PAXBP1: variants seen among roughly 807,000 people sequenced by gnomAD.
PAXBP1 encodes the protein PAX3- and PAX7-binding protein 1.
A neutral mutation model predicts 119.9 loss-of-function variants in PAXBP1; 44 were observed. The observed-to-expected ratio is 0.37, with a 90% CI of 0.29 to 0.47. The LOEUF is 0.47. Ranked by LOEUF, PAXBP1 falls within the 20% of genes least tolerant of loss-of-function variation. The pLI is 0.99. For synonymous variants in PAXBP1, 393 were observed against 406.6 expected (o/e 0.97, Z 0.40); for missense variants, 898 against 1,134.1 (o/e 0.79, Z 2.99).
intron 11 of PAXBP1, among the ~76,000 whole-genome samples, chr21:32,746,964 C>T (rs926268163): frequency 6.6e-6 from 1 of 151,990 alleles, no homozygotes; most frequent in African/African-American, 2.4e-5. Context: ...AAGCCATTAT[C>T]CTCAGCAAAC....
chr21:32,739,933 C>A, intron 15 of PAXBP1, among the ~76,000 whole-genome samples: 1 of 85,384 alleles, frequency 1.2e-5, no homozygotes, highest in East Asian at 3.6e-4. Flanking sequence ...AAGACCTCGT[C>A]TCTTTAAAAA....
At chr21:32,759,713 C>G in intron 6 of PAXBP1, 64 bp downstream of exon 6, 1 of 1,372,812 alleles carries the variant, frequency 7.3e-7, no homozygotes, top group Non-Finnish European at 1.0e-6. Flanking sequence ...CTACCCCAGA[C>G]TACATGTTGC....
chr21:32,747,280 G>A (rs1052266490), intron 11 of PAXBP1, among the ~76,000 whole-genome samples: 1 of 152,174 alleles, frequency 6.6e-6, no homozygotes, highest in South Asian at 2.1e-4. Context: ...TGGACCATAG[G>A]CAGCACAAGA....
Position 32,760,007 on chromosome 21 carries a change from T to C in PAXBP1, c.976-13A>G, listed in dbSNP as rs1569164609. ...GACTGGCTTGAACCTAGAAAAGAAA[T>C]GGGATATAGATGAAATCTGGTAGTT... is the stretch of plus-strand genomic sequence containing the variant. On this transcript the variant is annotated splice_polypyrimidine_tract_variant and intron_variant, in intron 5 of 17. Transcript: ENST00000331923. The C allele has an allele frequency of 1.3e-6, 2 of 1,595,380 alleles. No homozygotes were observed. The highest frequency in any genetic ancestry group is 1.3e-5 in the African/African-American group (1 of 74,496).
At chr21:32,758,103 G>A (rs761911206) in intron 7 of PAXBP1, among the ~76,000 whole-genome samples, 16 of 152,184 alleles carry the variant, frequency 1.1e-4, no homozygotes, top group Non-Finnish European at 2.2e-4. Context: ...CCATCAGGAA[G>A]AAAGATCCAT....
At position 32,768,192 on chromosome 21, in the gene PAXBP1, A is replaced by G. The variant is rs2044275528; in HGVS notation, c.472+1622T>C. Among the ~76,000 whole-genome samples the G allele has an allele frequency of 2.0e-5, 3 of 152,200 alleles. 1 individual carries two copies. Among genetic ancestry groups the G allele is most frequent in the South Asian group, 4.1e-4 (2 of 4,832 alleles). ...CTGATAAAAGGATGAGTTTGGCAGG[A>G]TATTCTCTCTCTGTCTTGGAGACTC... On this transcript the variant is annotated intron_variant, in intron 2 of 17. Coordinates refer to ENST00000331923, the MANE Select transcript of PAXBP1 (RefSeq NM_016631.4).
Position 32,738,681 on chromosome 21 carries a change from G to A in PAXBP1, c.2335-362C>T, listed in dbSNP as rs145082254. ...TATGCACACCCCCACCCCGCCCCGC[G>A]CTGCCCACAAAAGATGGGAGAGTCT... On this transcript the variant is annotated intron_variant, in intron 15 of 17. Coordinates refer to ENST00000331923, the MANE Select transcript of PAXBP1 (RefSeq NM_016631.4). Among the ~76,000 whole-genome samples, 164 of 151,906 alleles carry A rather than the reference G, an allele frequency of 1.1e-3. 5 individuals are homozygous for A. In the East Asian group the frequency reaches 0.029, roughly 27 times the overall value.
At chr21:32,753,583 C>G (rs1330129436) in intron 8 of PAXBP1, among the ~76,000 whole-genome samples, 2 of 152,168 alleles carry the variant, frequency 1.3e-5, no homozygotes, top group African/African-American at 4.8e-5. Context: ...CAGATAAGTG[C>G]TTATAAATCT....
chr21:32,749,761 C>G (rs888983727), intron 10 of PAXBP1, among the ~76,000 whole-genome samples: 1 of 151,874 alleles, frequency 6.6e-6, no homozygotes, highest in East Asian at 1.9e-4. Flanking sequence ...GATCAAAGAA[C>G]AAGTTAAACA....
intron 1 of PAXBP1, among the ~76,000 whole-genome samples, chr21:32,770,421 TAAAAA>T (rs200584549): frequency 1.3e-5 from 2 of 151,164 alleles, no homozygotes; most frequent in Admixed American, 1.3e-4. Context: ...ACTAAATACT[TAAAAA>T]AAAATAGCTC....
chr21:32,764,610 A>T lies in PAXBP1; in HGVS notation c.473-86T>A, dbSNP rs779317528. On this transcript the variant is annotated intron_variant, in intron 2 of 17. Coordinates refer to ENST00000331923, the MANE Select transcript of PAXBP1 (RefSeq NM_016631.4). ...TCCAATGGTATTGACATCATTAAAA[A>T]TTTTTTTAATTAAAAAAAGGGGAAC... 11 of 1,062,260 alleles carry T rather than the reference A, an allele frequency of 1.0e-5. No individual in the cohort carries two copies. In the African/African-American group the frequency reaches 1.1e-4, roughly 11 times the overall value. 65.8% of individuals were successfully genotyped at this position (1,062,260 alleles called of 1,614,324 possible). A position where few individuals can be genotyped will look rare whatever the true frequency, so the allele number is the denominator to read the frequency against.
At chr21:32,764,662 A>G (rs2044210422) in intron 2 of PAXBP1, 138 bp from the exon 3 acceptor site, 2 of 602,168 alleles carry the variant, frequency 3.3e-6, no homozygotes, top group African/African-American at 1.9e-5. Flanking sequence ...GGCTCAATCC[A>G]GTAAAGCTTG....
chr21:32,744,722 T>C (rs2043846840), intron 13 of PAXBP1, 70 bp downstream of exon 13: 2 of 1,432,258 alleles, frequency 1.4e-6, no homozygotes, highest in South Asian at 1.5e-5. Context: ...AACCACTCAT[T>C]CTCTCAATGC....
At chr21:32,761,722 T>C (rs902794605) in intron 4 of PAXBP1, among the ~76,000 whole-genome samples, 1 of 151,098 alleles carries the variant, frequency 6.6e-6, no homozygotes, top group Non-Finnish European at 1.5e-5. Context: ...TGAGGCATGG[T>C]GGCCCATGCC....
rs776421223 is a variant in PAXBP1 at position 32,759,984 on chromosome 21, C to A, written c.986G>T (p.Ser329Ile). ...KGINIPQVQA[S>I]QPAEVNMYYQ... ...GTACATATTCACTTCTGCGGGTTGA[C>A]TGGCTTGAACCTAGAAAAGAAATGG... Residue 329 changes from serine (S) to isoleucine (I), a missense_variant, in exon 6 of 18, where the codon AGT becomes ATT. Physicochemically the swap from Ser to Ile is moderately radical, Grantham distance 142 (BLOSUM62 -2). Around this residue, in one of 2 missense-constraint regions of PAXBP1, gnomAD observed 599 missense variants for 852.7 expected, o/e 0.70. Transcript: ENST00000331923. The A allele has an allele frequency of 6.2e-7, 1 of 1,611,440 alleles. No homozygotes were observed. Among genetic ancestry groups the A allele is most frequent in the Admixed American group, 1.7e-5 (1 of 59,554 alleles).
chr21:32,762,401 A>G, intron 3 of PAXBP1, 84 bp from the exon 4 acceptor site: 1 of 1,487,434 alleles, frequency 6.7e-7, no homozygotes. Context: ...AAATAATCCA[A>G]GATAGCCTCA....
At chr21:32,757,797 G>GC (rs2044067875) in intron 7 of PAXBP1, among the ~76,000 whole-genome samples, 1 of 152,186 alleles carries the variant, frequency 6.6e-6, no homozygotes, top group Non-Finnish European at 1.5e-5. Flanking sequence ...CTCCCACCAT[G>GC]CCCACTGGGC....
chr21:32,744,506 G>A (rs1193631730), intron 13 of PAXBP1, among the ~76,000 whole-genome samples: 1 of 151,854 alleles, frequency 6.6e-6, no homozygotes, highest in East Asian at 1.9e-4. Flanking sequence ...GAGGTGTGGT[G>A]GTGAGAAATC....
At chr21:32,771,261 G>A in intron 1 of PAXBP1, 65 bp downstream of exon 1, 1 of 1,419,944 alleles carries the variant, frequency 7.0e-7, no homozygotes, top group Non-Finnish European at 9.4e-7. Context: ...AGAATACGGG[G>A]GCGGGGGACG....
Sources: gnomAD v4.1 joint callset for allele counts (sites outside exome capture counted in the v4.1 genomes callset) on GRCh38, gnomAD v4.1.1 for gene constraint, gnomAD v4.1.1 regional missense constraint, MANE v1.5 for transcripts, NCBI Gene and HGNC (gene_info 2026-07-23, HGNC 2026-07-21) for gene names.